The following RGL1 variants were observed in gnomAD, a reference collection of about 807,000 sequenced individuals.
The protein encoded by RGL1 is ral guanine nucleotide dissociation stimulator-like 1.
A neutral mutation model predicts 95.2 loss-of-function variants in RGL1; 24 were observed. The observed-to-expected ratio is 0.25, with a 90% CI of 0.18 to 0.35. The LOEUF is 0.35. RGL1 is among the 10% of genes least tolerant of loss of function. The probability of loss-of-function intolerance (pLI) is 1.00; values close to 1 mark genes in which losing one functional copy is unlikely to be tolerated. For missense variants in RGL1, 715 were observed against 936.3 expected (o/e 0.76, Z 3.08); for synonymous variants, 329 against 344.9 (o/e 0.95, Z 0.51).
chr1:183,897,263 C>T (rs1667753325), intron 9 of RGL1, among the ~76,000 whole-genome samples: 1 of 152,118 alleles, frequency 6.6e-6, no homozygotes, highest in Non-Finnish European at 1.5e-5. Flanking sequence ...GGTGTGGTGG[C>T]TGGCTCATGC....
chr1:183,890,068 C>T (rs531316563), intron 8 of RGL1, among the ~76,000 whole-genome samples: 1 of 152,066 alleles, frequency 6.6e-6, no homozygotes, highest in South Asian at 2.1e-4. Flanking sequence ...ATGCAGTGTC[C>T]CCACCCTTCA....
At chr1:183,713,216 G>T (rs1201839339) in intron 1 of RGL1, among the ~76,000 whole-genome samples, 3 of 152,122 alleles carry the variant, frequency 2.0e-5, no homozygotes, top group African/African-American at 7.2e-5. Context: ...AGTAGAGAAG[G>T]GGTTTTGCCA....
At chr1:183,842,436 GCA>G (rs1664123852) in intron 2 of RGL1, among the ~76,000 whole-genome samples, 1 of 151,922 alleles carries the variant, frequency 6.6e-6, no homozygotes, top group Admixed American at 6.6e-5. Context: ...TTGAAATATG[GCA>G]TCTTTCATCT....
At chr1:183,821,700 G>A (rs1307172208) in intron 2 of RGL1, among the ~76,000 whole-genome samples, 1 of 152,186 alleles carries the variant, frequency 6.6e-6, no homozygotes, top group Non-Finnish European at 1.5e-5. Flanking sequence ...CTTCCAGAGT[G>A]AAGGGTGAAC....
intron 2 of RGL1, among the ~76,000 whole-genome samples, chr1:183,759,464 C>G (rs765108462): frequency 2.6e-5 from 4 of 152,132 alleles, no homozygotes; most frequent in African/African-American, 9.7e-5. Flanking sequence ...GGTTAATTTG[C>G]ACATCAAAGG....
intron 2 of RGL1, among the ~76,000 whole-genome samples, chr1:183,820,784 G>A (rs1558227614): frequency 6.6e-6 from 1 of 152,122 alleles, no homozygotes; most frequent in African/African-American, 2.4e-5. Flanking sequence ...TGTTAAAATG[G>A]TAATACTGTG....
chr1:183,707,104 G>C (rs1654962376), intron 1 of RGL1, among the ~76,000 whole-genome samples: 1 of 152,176 alleles, frequency 6.6e-6, no homozygotes. Flanking sequence ...ATGTGGTCTT[G>C]ATGGCGGCGT....
At position 183,900,247 on chromosome 1, in the gene RGL1, T is replaced by C. The variant is rs966494421; in HGVS notation, c.1317+11T>C. 6.2e-7 allele frequency: 1 copy of C among 1,608,836 alleles called. No individual in the cohort carries two copies. The highest frequency in any genetic ancestry group is 8.5e-7 in the Non-Finnish European group (1 of 1,175,296). On this transcript the variant is annotated intron_variant, in intron 11 of 17. Coordinates refer to ENST00000360851, the MANE Select transcript of RGL1 (RefSeq NM_001297671.3). ...CAGGACTACATCGAGGTGAGTTCCA[T>C]GTGGGTGGTGTGATCGGGCCTGCAG...
At chr1:183,829,929 G>A (rs1303642352) in intron 2 of RGL1, among the ~76,000 whole-genome samples, 2 of 152,100 alleles carry the variant, frequency 1.3e-5, no homozygotes, top group Non-Finnish European at 1.5e-5. Context: ...TTTATAGGGA[G>A]CAATGGTTTC....
At chr1:183,921,841 T>C (rs898327267) in intron 16 of RGL1, among the ~76,000 whole-genome samples, 3 of 152,224 alleles carry the variant, frequency 2.0e-5, no homozygotes, top group South Asian at 2.1e-4. Flanking sequence ...ACCAGTGCCA[T>C]AGAAGCAGTT....
At chr1:183,812,604 A>G (rs529343741) in intron 2 of RGL1, among the ~76,000 whole-genome samples, 21 of 152,330 alleles carry the variant, frequency 1.4e-4, no homozygotes, top group Non-Finnish European at 2.4e-4. Flanking sequence ...AATTAATTAC[A>G]ATATATTGTG....
At chr1:183,740,451 C>A (rs1657220929) in intron 1 of RGL1, among the ~76,000 whole-genome samples, 1 of 152,226 alleles carries the variant, frequency 6.6e-6, no homozygotes, top group East Asian at 1.9e-4. Flanking sequence ...AGTAACTCCT[C>A]TGCAGATGAT....
At chr1:183,818,391 G>C (rs1029722154) in intron 2 of RGL1, among the ~76,000 whole-genome samples, 5 of 152,152 alleles carry the variant, frequency 3.3e-5, no homozygotes. Flanking sequence ...CTGTGTCACT[G>C]CTTATGGCAT....
In RGL1 at chr1:183,757,259, T is replaced by G. The variant is rs548068763; in HGVS notation, c.132+14970T>G. Among the ~76,000 whole-genome samples the G allele has an allele frequency of 2.2e-3, 328 of 152,302 alleles. 2 individuals are homozygous for G. The highest frequency in any genetic ancestry group is 5.4e-3 in the South Asian group (26 of 4,822). On this transcript the variant is annotated intron_variant, in intron 2 of 18. Transcript: ENST00000304685. ...GGCTTCACATTGTAAAATCACATTCTTGGAGGAGGAAATAGTAAGTGTTCA... is the reference window on the plus strand; with the variant it reads ...GGCTTCACATTGTAAAATCACATTCGTGGAGGAGGAAATAGTAAGTGTTCA...
chr1:183,923,930 G>A (rs1572611787), intron 17 of RGL1, among the ~76,000 whole-genome samples: 1 of 152,164 alleles, frequency 6.6e-6, no homozygotes, highest in South Asian at 2.1e-4. Context: ...ACAACCATAT[G>A]CCTCTCTGGT....
At chr1:183,765,789 T>C (rs956101109) in intron 2 of RGL1, among the ~76,000 whole-genome samples, 9 of 152,216 alleles carry the variant, frequency 5.9e-5, no homozygotes, top group African/African-American at 1.9e-4. Context: ...CAATTGTGGA[T>C]GATAAAAATC....
chr1:183,648,040 T>C, intron 1 of RGL1: 1 of 1,614,232 alleles, frequency 6.2e-7, no homozygotes, highest in Non-Finnish European at 8.5e-7. Context: ...TTTGGATTCC[T>C]TTTTGTCTGG....
intron 1 of RGL1, among the ~76,000 whole-genome samples, chr1:183,719,327 C>T (rs1439128222): frequency 1.3e-5 from 2 of 152,208 alleles, no homozygotes; most frequent in Non-Finnish European, 2.9e-5. Context: ...GTGGTCTCTT[C>T]TCCTCCTTGT....
At chr1:183,673,519 A>G (rs1415166755) in intron 1 of RGL1, among the ~76,000 whole-genome samples, 19 of 152,188 alleles carry the variant, frequency 1.2e-4, no homozygotes, top group Admixed American at 1.2e-3. Context: ...GAAATCCTGA[A>G]CTTCTTGATT....
Sources: gnomAD v4.1 joint callset for allele counts (sites outside exome capture counted in the v4.1 genomes callset) on GRCh38, gnomAD v4.1.1 for gene constraint, MANE v1.5 for transcripts, NCBI Gene and HGNC (gene_info 2026-07-23, HGNC 2026-07-21) for gene names.